NTNG1: variants seen among roughly 807,000 people sequenced by gnomAD.
The protein encoded by NTNG1 is netrin G1.
NTNG1 carries 16 observed loss-of-function variants against 54.0 expected under a neutral mutation model. The observed-to-expected ratio is 0.30, with a 90% confidence interval of 0.20 to 0.45. The LOEUF is 0.45. Ranked by LOEUF, NTNG1 falls within the 20% of genes least tolerant of loss-of-function variation. The pLI is 1.00. For missense variants in NTNG1, 530 were observed against 678.7 expected, an observed-to-expected ratio of 0.78 and a Z score of 2.43; for synonymous variants, 255 against 263.1, an observed-to-expected ratio of 0.97 and a Z score of 0.30.
At chr1:107,321,862 CA>C (rs1399479178) in intron 2 of NTNG1, among the ~76,000 whole-genome samples, 2 of 151,690 alleles carry the variant, frequency 1.3e-5, no homozygotes, top group African/African-American at 4.9e-5. Context: ...TTCAGCAAGC[CA>C]GGGAAGGGGT....
intron 2 of NTNG1, among the ~76,000 whole-genome samples, chr1:107,260,440 C>T (rs1275040141): frequency 2.0e-5 from 3 of 152,162 alleles, no homozygotes. Context: ...AGAGGGTCTA[C>T]CCTGCCACCA....
At chr1:107,263,875 T>C (rs1024544475) in intron 2 of NTNG1, among the ~76,000 whole-genome samples, 5 of 152,206 alleles carry the variant, frequency 3.3e-5, no homozygotes, top group Admixed American at 2.0e-4. Context: ...TTAAAAGAAA[T>C]GTTATAGTAC....
chr1:107,202,605 T>G (rs1014755353), intron 2 of NTNG1, among the ~76,000 whole-genome samples: 9 of 151,888 alleles, frequency 5.9e-5, no homozygotes, highest in Admixed American at 2.6e-4. Context: ...TTCTACTGGA[T>G]TGAAACTATA....
chr1:107,414,888 G>A (rs940403545), intron 5 of NTNG1, among the ~76,000 whole-genome samples: 1 of 152,094 alleles, frequency 6.6e-6, no homozygotes, highest in Non-Finnish European at 1.5e-5. Flanking sequence ...TTTTAACCCA[G>A]CCTGAGCTCT....
At chr1:107,175,346 G>A (rs1191528571) in intron 2 of NTNG1, among the ~76,000 whole-genome samples, 1 of 152,144 alleles carries the variant, frequency 6.6e-6, no homozygotes, top group African/African-American at 2.4e-5. Flanking sequence ...AAGGATCCTG[G>A]CACCAGCACA....
intron 3 of NTNG1, among the ~76,000 whole-genome samples, chr1:107,328,248 G>A (rs536418215): frequency 5.3e-5 from 8 of 152,030 alleles, no homozygotes; most frequent in African/African-American, 1.9e-4. Context: ...AGTAAATCAC[G>A]GTGATTTTCT....
intron 7 of NTNG1, among the ~76,000 whole-genome samples, chr1:107,461,213 T>C (rs1019163290): frequency 2.0e-5 from 3 of 152,060 alleles, no homozygotes; most frequent in African/African-American, 7.2e-5. Context: ...GGGAAAGAAA[T>C]AAACAGTGGG....
At chr1:107,191,205 G>A (rs1254954636) in intron 2 of NTNG1, among the ~76,000 whole-genome samples, 4 of 150,840 alleles carry the variant, frequency 2.7e-5, no homozygotes, top group African/African-American at 9.8e-5. Context: ...TCATGTGTCT[G>A]TTGGCTGCAT....
intron 2 of NTNG1, among the ~76,000 whole-genome samples, chr1:107,245,712 A>G (rs1662151730): frequency 6.6e-6 from 1 of 152,218 alleles, no homozygotes; most frequent in Non-Finnish European, 1.5e-5. Context: ...GCAAATGCGT[A>G]GGGATTAAGA....
intron 3 of NTNG1, among the ~76,000 whole-genome samples, chr1:107,370,378 T>A (rs1398424009): frequency 2.6e-5 from 4 of 151,956 alleles, no homozygotes; most frequent in African/African-American, 9.7e-5. Context: ...CTCCATAGGT[T>A]TTAGGGGAAC....
At chr1:107,369,215 C>A (rs1191134258) in intron 3 of NTNG1, among the ~76,000 whole-genome samples, 1 of 152,118 alleles carries the variant, frequency 6.6e-6, no homozygotes. Context: ...TATGAACATT[C>A]ATGTACAAAT....
intron 2 of NTNG1, among the ~76,000 whole-genome samples, chr1:107,172,831 C>T (rs753727152): frequency 6.6e-6 from 1 of 152,104 alleles, no homozygotes; most frequent in East Asian, 1.9e-4. Context: ...TGGCATTTTT[C>T]GAGCAATAGG....
intron 7 of NTNG1, among the ~76,000 whole-genome samples, chr1:107,453,797 T>A (rs1478715492): frequency 6.6e-6 from 1 of 152,176 alleles, no homozygotes; most frequent in African/African-American, 2.4e-5. Context: ...GCTTGGACAT[T>A]TCACACATGT....
chr1:107,168,784 A>G (rs1016735089), intron 2 of NTNG1, among the ~76,000 whole-genome samples: 3 of 152,154 alleles, frequency 2.0e-5, no homozygotes, highest in Non-Finnish European at 4.4e-5. Flanking sequence ...ACATAGCAAA[A>G]CAAAATCTGC....
chr1:107,385,885 G>A (rs897499554), intron 3 of NTNG1, among the ~76,000 whole-genome samples: 1 of 148,360 alleles, frequency 6.7e-6, no homozygotes, highest in Non-Finnish European at 1.5e-5. Context: ...TATTCAAAAT[G>A]TTGTGCAACC....
At chr1:107,219,114 A>T (rs908232774) in intron 2 of NTNG1, among the ~76,000 whole-genome samples, 23 of 143,788 alleles carry the variant, frequency 1.6e-4, no homozygotes, top group East Asian at 1.4e-3. Flanking sequence ...TTGTTTTTAA[A>T]TTTTTTTTTT....
intron 2 of NTNG1, among the ~76,000 whole-genome samples, chr1:107,243,432 A>G (rs1661974887): frequency 6.6e-6 from 1 of 152,256 alleles, no homozygotes; most frequent in Non-Finnish European, 1.5e-5. Context: ...ATATTGAATG[A>G]AAAAGAAAAG....
At chr1:107,378,589 A>T (rs1290019371) in intron 3 of NTNG1, among the ~76,000 whole-genome samples, 1 of 152,198 alleles carries the variant, frequency 6.6e-6, no homozygotes, top group African/African-American at 2.4e-5. Context: ...AACCTGACTC[A>T]CCAATGATGG....
chr1:107,269,877 C>G (rs560951905), intron 2 of NTNG1, among the ~76,000 whole-genome samples: 1 of 152,330 alleles, frequency 6.6e-6, no homozygotes, highest in South Asian at 2.1e-4. Context: ...ACATAGACAT[C>G]AGCAGCTTTA....
Sources: allele counts gnomAD v4.1 joint callset (sites outside exome capture counted in the v4.1 genomes callset), GRCh38; gene constraint gnomAD v4.1.1; transcripts MANE v1.5; gene names NCBI Gene and HGNC (gene_info 2026-07-23, HGNC 2026-07-21).